CTNNA2: variants seen among roughly 807,000 people sequenced by gnomAD.
The protein encoded by CTNNA2 is catenin alpha-2.
Under a neutral mutation model 101.0 loss-of-function variants are expected in CTNNA2, and 42 were observed. That is an observed-to-expected ratio of 0.42 (90% CI 0.32 to 0.54). The LOEUF is 0.54. Ranked by LOEUF, CTNNA2 falls within the 20% of genes least tolerant of loss-of-function variation. CTNNA2 has a pLI of 0.14. For missense variants in CTNNA2, 871 were observed against 1,223.1 expected, an observed-to-expected ratio of 0.71 and a Z score of 4.29; for synonymous variants, 450 against 456.4, an observed-to-expected ratio of 0.99 and a Z score of 0.18.
intron 16 of CTNNA2, among the ~76,000 whole-genome samples, chr2:80,605,848 A>G (rs1697958180): frequency 6.6e-6 from 1 of 151,924 alleles, no homozygotes; most frequent in Non-Finnish European, 1.5e-5. Context: ...CTCAAGTACT[A>G]TGAGAATTTG....
chr2:80,368,181 C>G (rs532191768), intron 7 of CTNNA2, among the ~76,000 whole-genome samples: 1 of 152,144 alleles, frequency 6.6e-6, no homozygotes, highest in Non-Finnish European at 1.5e-5. Flanking sequence ...TTTCTCCCCT[C>G]TCCTGTCTAT....
intron 2 of CTNNA2, among the ~76,000 whole-genome samples, chr2:79,294,093 G>A (rs1675904185): frequency 6.6e-6 from 1 of 151,994 alleles, no homozygotes; most frequent in African/African-American, 2.4e-5. Flanking sequence ...CTGAAGACTG[G>A]GAAGTCCAAG....
rs73941162 is a variant in CTNNA2 at position 80,529,715 on chromosome 2, T to C, written c.1291-15267T>C. On this transcript the variant is annotated intron_variant, in intron 9 of 18. Coordinates refer to ENST00000402739, the MANE Select transcript of CTNNA2 (RefSeq NM_001282597.3). Reference sequence around the variant, plus strand: ...AGCACAAAACTAAACAGAAGCAAGTTACATAGAATTTCATTGCTTGCTTCT... The same window carrying C: ...AGCACAAAACTAAACAGAAGCAAGTCACATAGAATTTCATTGCTTGCTTCT... 4.6e-3 allele frequency among the ~76,000 whole-genome samples: 706 copies of C among 152,270 alleles called. 2 individuals are homozygous for C. Among genetic ancestry groups the C allele is most frequent in the African/African-American group, 0.016 (666 of 41,546 alleles).
Position 80,545,080 on chromosome 2 carries a change from C to A in CTNNA2, c.1383+6C>A, listed in dbSNP as rs1212442465. ...TTGACAGCCTGTGTCCCCAGGTAAGCCTCATTCACTTTGTTTCAAAAGCCT... is the reference window on the plus strand; with the variant it reads ...TTGACAGCCTGTGTCCCCAGGTAAGACTCATTCACTTTGTTTCAAAAGCCT... On this transcript the variant is annotated splice_donor_region_variant and intron_variant, in intron 10 of 18. Coordinates refer to ENST00000402739, the MANE Select transcript of CTNNA2 (RefSeq NM_001282597.3). The A allele has an allele frequency of 6.2e-7, 1 of 1,613,242 alleles. No individual in the cohort carries two copies. The highest frequency in any genetic ancestry group is 8.5e-7 in the Non-Finnish European group (1 of 1,179,630).
At chr2:79,394,441 T>C (rs1573144802) in intron 4 of CTNNA2, among the ~76,000 whole-genome samples, 2 of 152,306 alleles carry the variant, frequency 1.3e-5, no homozygotes, top group Non-Finnish European at 2.9e-5. Context: ...ATTGATTGGA[T>C]GGTAAATACG....
chr2:79,675,696 C>T (rs999325041), intron 2 of CTNNA2, among the ~76,000 whole-genome samples: 18 of 152,112 alleles, frequency 1.2e-4, no homozygotes, highest in African/African-American at 4.3e-4. Flanking sequence ...AGTCAGGAGA[C>T]TTGGATGTCT....
chr2:79,461,952 A>C (rs553193731), intron 4 of CTNNA2, among the ~76,000 whole-genome samples: 1 of 152,110 alleles, frequency 6.6e-6, no homozygotes, highest in East Asian at 1.9e-4. Context: ...AAATTTTTTA[A>C]TTAAAGAGAA....
intron 5 of CTNNA2, among the ~76,000 whole-genome samples, chr2:79,870,606 C>T (rs1280830920): frequency 6.6e-6 from 1 of 151,964 alleles, no homozygotes; most frequent in Non-Finnish European, 1.5e-5. Flanking sequence ...AAAGAACTGC[C>T]CTGAGACTGG....
At chr2:79,732,597 A>G (rs1320279447) in intron 2 of CTNNA2, among the ~76,000 whole-genome samples, 3 of 152,138 alleles carry the variant, frequency 2.0e-5, no homozygotes, top group Admixed American at 6.6e-5. Context: ...TATTACATAC[A>G]TTATACAATA....
At chr2:79,738,579 T>A (rs1573836667) in intron 2 of CTNNA2, among the ~76,000 whole-genome samples, 1 of 152,184 alleles carries the variant, frequency 6.6e-6, no homozygotes, top group Non-Finnish European at 1.5e-5. Context: ...TATGTTCCTT[T>A]TAAAGCTGTA....
chr2:79,553,191 T>C (rs986526907), intron 1 of CTNNA2, among the ~76,000 whole-genome samples: 1 of 152,198 alleles, frequency 6.6e-6, no homozygotes, highest in Non-Finnish European at 1.5e-5. Flanking sequence ...ATCATTACTT[T>C]CAAGTTCAAA....
At chr2:79,324,510 C>G (rs1409652507) in intron 3 of CTNNA2, among the ~76,000 whole-genome samples, 1 of 152,148 alleles carries the variant, frequency 6.6e-6, no homozygotes, top group Non-Finnish European at 1.5e-5. Flanking sequence ...TTAGCCAGTA[C>G]TTCAAAACAG....
At chr2:79,567,119 A>G (rs1203878803) in intron 1 of CTNNA2, among the ~76,000 whole-genome samples, 1 of 152,144 alleles carries the variant, frequency 6.6e-6, no homozygotes, top group East Asian at 1.9e-4. Context: ...AGAGAAAATT[A>G]AGTTGGAAGA....
intron 2 of CTNNA2, among the ~76,000 whole-genome samples, chr2:79,261,534 A>C (rs1402927727): frequency 6.6e-6 from 1 of 152,224 alleles, no homozygotes; most frequent in East Asian, 1.9e-4. Context: ...TCAAGGTGCC[A>C]GGAGGCTTGG....
At chr2:79,807,981 A>G (rs117511792) in intron 3 of CTNNA2, among the ~76,000 whole-genome samples, 1,624 of 152,286 alleles carry the variant, frequency 0.011, 55 homozygotes, top group East Asian at 0.1. Flanking sequence ...GCTGATTGCT[A>G]CAATCAGCTG....
intron 2 of CTNNA2, among the ~76,000 whole-genome samples, chr2:79,670,240 G>A (rs4852158): frequency 0.21 from 31,892 of 152,128 alleles, 3,715 homozygotes; most frequent in Admixed American, 0.26. Flanking sequence ...TCTGCAGCCG[G>A]GTGTCCAGCA....
At chr2:80,262,937 TATTGACAAAAATAATAAAAAC>T (rs1558950854) in intron 7 of CTNNA2, among the ~76,000 whole-genome samples, 2 of 151,560 alleles carry the variant, frequency 1.3e-5, no homozygotes, top group Non-Finnish European at 2.9e-5. Context: ...AAAACAACAA[TATTGACAAAAATAATAAAAAC>T]AACAATAACA....
At chr2:80,573,775 A>C (rs1376371173) in intron 12 of CTNNA2, among the ~76,000 whole-genome samples, 1 of 152,206 alleles carries the variant, frequency 6.6e-6, no homozygotes, top group Non-Finnish European at 1.5e-5. Flanking sequence ...CATTTTATAG[A>C]CAAAGAAACA....
At chr2:79,986,670 C>T (rs987043476) in intron 7 of CTNNA2, among the ~76,000 whole-genome samples, 15 of 152,134 alleles carry the variant, frequency 9.9e-5, no homozygotes, top group Non-Finnish European at 2.1e-4. Context: ...CATTTCTGCT[C>T]ACCAAAAGCA....
Sources: allele counts gnomAD v4.1 joint callset (sites outside exome capture counted in the v4.1 genomes callset), GRCh38; gene constraint gnomAD v4.1.1; transcripts MANE v1.5; gene names NCBI Gene and HGNC (gene_info 2026-07-23, HGNC 2026-07-21).